The following PPARGC1A variants were observed in gnomAD, a reference collection of about 807,000 sequenced individuals.
PPARGC1A encodes PPARG coactivator 1 alpha.
PPARGC1A carries 25 observed loss-of-function variants against 88.7 expected under a neutral mutation model. That is an observed-to-expected ratio of 0.28 (90% CI 0.21 to 0.39). The LOEUF (loss-of-function observed/expected upper bound fraction) is 0.39. Among genes scored for constraint, PPARGC1A ranks in the 10% least tolerant of loss-of-function variants. The probability of loss-of-function intolerance (pLI) is 1.00; values close to 1 mark genes in which losing one functional copy is unlikely to be tolerated. For missense variants in PPARGC1A, 880 were observed against 968.7 expected (o/e 0.91, Z 1.22); for synonymous variants, 363 against 355.6 (o/e 1.02, Z -0.24).
intron 2 of PPARGC1A, among the ~76,000 whole-genome samples, chr4:23,845,484 C>A (rs765447839): frequency 3.9e-5 from 6 of 152,052 alleles, no homozygotes; most frequent in Non-Finnish European, 7.4e-5. Flanking sequence ...ACTGTAATAT[C>A]CTGGCAATGG....
chr4:23,924,666 C>A, the PPARGC1A span, among the ~76,000 whole-genome samples: 3 of 152,156 alleles, frequency 2.0e-5, no homozygotes, highest in Admixed American at 6.5e-5. Context: ...GGTGTCCAGG[C>A]AGAAGGATCT....
the PPARGC1A span, among the ~76,000 whole-genome samples, chr4:24,158,312 T>C: frequency 2.8e-4 from 43 of 152,288 alleles, 1 homozygote; most frequent in African/African-American, 9.9e-4. Context: ...TCAGACTTCA[T>C]TGCCAACCAA....
chr4:23,840,597 T>A (rs1726884499), intron 2 of PPARGC1A, among the ~76,000 whole-genome samples: 1 of 152,068 alleles, frequency 6.6e-6, no homozygotes, highest in Non-Finnish European at 1.5e-5. Flanking sequence ...GGCATTCATC[T>A]CCCTGACTCA....
At chr4:24,323,076 G>A in the PPARGC1A span, among the ~76,000 whole-genome samples, 1 of 152,152 alleles carries the variant, frequency 6.6e-6, no homozygotes, top group East Asian at 1.9e-4. Flanking sequence ...TGGCTCAACT[G>A]CTGGTGGATC....
chr4:24,403,675 T>C, the PPARGC1A span, among the ~76,000 whole-genome samples: 1 of 152,206 alleles, frequency 6.6e-6, no homozygotes, highest in African/African-American at 2.4e-5. Flanking sequence ...CTTAGGCTCA[T>C]GTTGTTTTTC....
At chr4:24,434,725 C>G in the PPARGC1A span, among the ~76,000 whole-genome samples, 1 of 152,136 alleles carries the variant, frequency 6.6e-6, no homozygotes, top group Non-Finnish European at 1.5e-5. Context: ...CGCAGATTGC[C>G]CCTCGATGCA....
chr4:23,809,542 A>G (rs1035585157), intron 10 of PPARGC1A, among the ~76,000 whole-genome samples: 1 of 152,186 alleles, frequency 6.6e-6, no homozygotes, highest in African/African-American at 2.4e-5. Context: ...AGCAATGTCC[A>G]GTAATCATAC....
At chr4:24,001,987 A>G in the PPARGC1A span, among the ~76,000 whole-genome samples, 9 of 152,106 alleles carry the variant, frequency 5.9e-5, no homozygotes, top group Non-Finnish European at 1.3e-4. Flanking sequence ...AAGGGCACAG[A>G]GAATCAGCCA....
At chr4:24,200,636 A>G in the PPARGC1A span, among the ~76,000 whole-genome samples, 1 of 86,062 alleles carries the variant, frequency 1.2e-5, no homozygotes, top group African/African-American at 3.6e-5. Flanking sequence ...AATGTAACCA[A>G]AATGTTTTAT....
chr4:23,870,953 T>C (rs1165782553), intron 2 of PPARGC1A, among the ~76,000 whole-genome samples: 4 of 151,460 alleles, frequency 2.6e-5, no homozygotes, highest in Non-Finnish European at 4.4e-5. Context: ...TTTTTTTTTT[T>C]CTTTTCTATA....
the PPARGC1A span, among the ~76,000 whole-genome samples, chr4:24,012,751 AT>A: frequency 6.6e-6 from 1 of 152,108 alleles, no homozygotes; most frequent in African/African-American, 2.4e-5. Flanking sequence ...AAGAGATACT[AT>A]TTTTGGGAAT....
At chr4:24,366,093 T>A in the PPARGC1A span, among the ~76,000 whole-genome samples, 1 of 151,966 alleles carries the variant, frequency 6.6e-6, no homozygotes, top group African/African-American at 2.4e-5. Context: ...CCTGAAAGAG[T>A]CATCAGTCAG....
chr4:24,154,607 G>A, the PPARGC1A span, among the ~76,000 whole-genome samples: 4 of 152,094 alleles, frequency 2.6e-5, no homozygotes, highest in East Asian at 1.9e-4. Flanking sequence ...CACTGACTTC[G>A]AGTCAGGTGA....
the PPARGC1A span, among the ~76,000 whole-genome samples, chr4:24,156,468 A>G: frequency 1.3e-5 from 2 of 151,930 alleles, no homozygotes; most frequent in Admixed American, 6.6e-5. Flanking sequence ...TTTTGGTAAC[A>G]GTTAGGAAAG....
At chr4:24,395,805 C>A in the PPARGC1A span, among the ~76,000 whole-genome samples, 1 of 152,164 alleles carries the variant, frequency 6.6e-6, no homozygotes, top group South Asian at 2.1e-4. Context: ...AATGTCACAC[C>A]ATTGTAAGTG....
the PPARGC1A span, among the ~76,000 whole-genome samples, chr4:24,086,569 T>C: frequency 6.6e-6 from 1 of 152,230 alleles, no homozygotes; most frequent in Non-Finnish European, 1.5e-5. Context: ...CCATGATACA[T>C]GGAGCATTTT....
the PPARGC1A span, among the ~76,000 whole-genome samples, chr4:24,013,459 G>A: frequency 1.2e-3 from 184 of 151,836 alleles, 2 homozygotes; most frequent in Admixed American, 2.0e-3. Flanking sequence ...TGTATTCATC[G>A]TTAAACAGTC....
chr4:23,898,527 T>A (rs1718879197), intron 1 of PPARGC1A, among the ~76,000 whole-genome samples: 1 of 152,218 alleles, frequency 6.6e-6, no homozygotes. Context: ...AATGCCTTGA[T>A]AAACCCTCAG....
the PPARGC1A span, among the ~76,000 whole-genome samples, chr4:24,032,352 A>C: frequency 6.6e-6 from 1 of 152,150 alleles, no homozygotes; most frequent in East Asian, 1.9e-4. Context: ...CAGAGCTCAC[A>C]CAGGGGCTCC....
Sources: allele counts gnomAD v4.1 joint callset (sites outside exome capture counted in the v4.1 genomes callset), GRCh38; gene constraint gnomAD v4.1.1; transcripts MANE v1.5; gene names NCBI Gene and HGNC (gene_info 2026-07-23, HGNC 2026-07-21).